CROCC2: variants seen among roughly 807,000 people sequenced by gnomAD.
CROCC2 encodes the protein ciliary rootlet coiled-coil protein 2.
In CROCC2, 163 loss-of-function variants were observed where a neutral mutation model predicts 177.6. The observed-to-expected ratio is 0.92, with a 90% CI of 0.81 to 1.05. The LOEUF (loss-of-function observed/expected upper bound fraction) is 1.05, where lower values mean the gene tolerates loss of function less well. CROCC2 is among the 50% of genes least tolerant of loss of function. The pLI, the probability that CROCC2 is intolerant of heterozygous loss-of-function variation, is 0.00. For missense variants in CROCC2, 1,929 were observed against 1,797.8 expected (o/e 1.07, Z -1.32); for synonymous variants, 904 against 787.3 (o/e 1.15, Z -2.48).
chr2:240,990,527 T>C (rs35894584), intron 30 of CROCC2, among the ~76,000 whole-genome samples: 8,264 of 152,256 alleles, frequency 0.054, 765 homozygotes, highest in African/African-American at 0.19. Context: ...TTTTGCTAAA[T>C]TTATTAGCAA....
In CROCC2 at chr2:240,967,446, C is replaced by T; in HGVS notation, c.4248C>T (p.Ala1416=). The T allele has an allele frequency of 6.9e-7, 1 of 1,449,454 alleles. No individual in the cohort carries two copies. The highest frequency in any genetic ancestry group is 1.2e-5 in the South Asian group (1 of 82,034). The allele number at this position is 1,449,454 out of a possible 1,614,324, so 89.8% of individuals were successfully genotyped here. A position where few individuals can be genotyped will look rare whatever the true frequency, so the allele number is the denominator to read the frequency against. ...AQSRVGQLQK[A]LAEAEEGQRR... is the part of the protein sequence containing the mutation. ...GCCGCGTGGGGCAGCTGCAGAAAGC[C>T]CTGGCTGAGGCGGAAGAAGGTGACC... Residue 1416 remains alanine, a synonymous_variant, in exon 26 of 32, where the codon GCC becomes GCT. Transcript: ENST00000690015.
intron 21 of CROCC2, 81 bp from the exon 22 acceptor site, chr2:240,964,385 A>C (rs2059662724): frequency 6.8e-7 from 1 of 1,470,564 alleles, no homozygotes; most frequent in Non-Finnish European, 9.3e-7. Flanking sequence ...GTGCCTCACT[A>C]GGGGAGGCAG....
At chr2:240,990,736 C>T (rs144706911) in intron 30 of CROCC2, among the ~76,000 whole-genome samples, 2,002 of 152,282 alleles carry the variant, frequency 0.013, 50 homozygotes, top group African/African-American at 0.045. Flanking sequence ...GCACCCACCA[C>T]CATGCCTGGC....
Position 240,930,170 on chromosome 2 carries a change from G to T in CROCC2, c.650G>T (p.Arg217Leu), listed in dbSNP as rs546625248. The T allele has an allele frequency of 7.2e-6, 4 of 555,048 alleles. No homozygotes were observed. The Admixed American group carries it at 1.4e-4, about 19-fold the overall frequency. The allele number at this position is 555,048 out of a possible 1,614,324, so 34.4% of individuals were successfully genotyped here. ...CAGGAGGCCTCTTGCTTTCAGACCC[G>T]GTCAGGGGGCCTGGGGCAGCCCCGG... ...ELRRWAQRQT[R>L]SGGLGQPRDL... Residue 217 changes from arginine to leucine, a missense_variant, in exon 6 of 32, where the codon CGG becomes CTG. Physicochemically the swap from Arg to Leu is moderately radical, Grantham distance 102 (BLOSUM62 -2). Coordinates refer to ENST00000690015, the MANE Select transcript of CROCC2 (RefSeq NM_001351305.2).
Position 240,961,632 on chromosome 2 carries a change from C to T in CROCC2, c.3088-1924C>T, listed in dbSNP as rs542826644. Among the ~76,000 whole-genome samples the T allele has an allele frequency of 2.1e-4, 30 of 146,052 alleles. No individual in the cohort carries two copies. In the East Asian group the frequency reaches 4.1e-3, roughly 20 times the overall value. On this transcript the variant is annotated intron_variant, in intron 20 of 31. Transcript: ENST00000690015. ...CACATACACTCATGACACATGCACA[C>T]GCTCATCACACACGCTCATCACACA...
At position 240,932,385 on chromosome 2, in the gene CROCC2, G is replaced by A. The variant is rs146400153; in HGVS notation, c.1015G>A (p.Ala339Thr). The A allele has an allele frequency of 2.3e-3, 1,642 of 717,480 alleles. 7 individuals are homozygous for A. Among genetic ancestry groups the A allele is most frequent in the Non-Finnish European group, 3.5e-3 (1,333 of 385,062 alleles). 44.4% of individuals were successfully genotyped at this position (717,480 alleles called of 1,614,324 possible). ...GAATGAGCAGAAGGCGAAGACCATC[G>A]CTGCCCTCAGAACCGACCTGCAGAA... ...EQNEQKAKTI[A>T]ALRTDLQNLV... The change falls in exon 8 of 32, where the codon GCT (alanine) becomes ACT (threonine). Residue 339 changes from alanine (A) to threonine (T), a missense_variant. By Grantham distance (58) the Ala-to-Thr change is moderately conservative. This residue lies in a region of CROCC2 where 1,397 missense variants were observed against 1,239.9 expected (regional missense o/e 1.13). Transcript: ENST00000690015.
chr2:240,989,733 C>T lies in CROCC2; in HGVS notation c.4763C>T (p.Thr1588Ile), dbSNP rs1444757485. The change falls in exon 30 of 32, where the codon ACA becomes ATA. Residue 1588 changes from threonine to isoleucine, a missense_variant. Thr to Ile is a moderately conservative substitution (Grantham distance 89, BLOSUM62 -1). Around this residue, in one of 3 missense-constraint regions of CROCC2, gnomAD observed 388 missense variants for 352.7 expected, o/e 1.10. Transcript: ENST00000690015. ...LTAQHQRDLA[T>I]EAERLHGARP... ...GCTCAGCACCAGCGGGACCTGGCCA[C>T]AGAGGCAGAGCGTCTCCATGGGGCC... 3.2e-6 allele frequency: 5 copies of T among 1,550,300 alleles called. No homozygotes were observed. The highest frequency in any genetic ancestry group is 2.0e-5 in the Admixed American group (1 of 50,988).
At chr2:240,965,330 G>A (rs2059673011) in intron 22 of CROCC2, 51 bp from the exon 23 acceptor site, 2 of 1,541,220 alleles carry the variant, frequency 1.3e-6, no homozygotes, top group Admixed American at 2.0e-5. Flanking sequence ...AGGCTGCCTG[G>A]GTTCCAGCAC....
intron 8 of CROCC2, 41 bp downstream of exon 8, chr2:240,932,455 G>C (rs768427704): frequency 1.6e-4 from 113 of 717,036 alleles, no homozygotes; most frequent in Non-Finnish European, 2.7e-4. Context: ...GCAGGGGTCT[G>C]TCACCCTTGC....
intron 27 of CROCC2, among the ~76,000 whole-genome samples, chr2:240,971,108 G>A (rs2106483116): frequency 6.6e-6 from 1 of 152,276 alleles, no homozygotes; most frequent in South Asian, 2.1e-4. Flanking sequence ...CCACAGTGTG[G>A]CAGCAGCACC....
At position 240,930,940 on chromosome 2, in the gene CROCC2, T is replaced by C. The variant is rs778792151; in HGVS notation, c.759T>C (p.Ala253=). The C allele has an allele frequency of 1.4e-6, 1 of 711,694 alleles. No individual in the cohort carries two copies. The highest frequency in any genetic ancestry group is 2.6e-6 in the Non-Finnish European group (1 of 382,294). The allele number at this position is 711,694 out of a possible 1,614,324, so 44.1% of individuals were successfully genotyped here. ...ELRVATERGL[A]DLQADTARTA... ...TGCCCTTGTCTCCCAGGGGCCTCGCTGACCTGCAGGCAGACACGGCCAGGA... is the reference window on the plus strand; with the variant it reads ...TGCCCTTGTCTCCCAGGGGCCTCGCCGACCTGCAGGCAGACACGGCCAGGA... The change falls in exon 7 of 32, where the codon GCT becomes GCC. Residue 253 remains alanine, a synonymous_variant. Coordinates refer to ENST00000690015, the MANE Select transcript of CROCC2 (RefSeq NM_001351305.2).
Position 240,962,928 on chromosome 2 carries a change from G to A in CROCC2, c.3088-628G>A, listed in dbSNP as rs551943701. Among the ~76,000 whole-genome samples, 115 of 152,322 alleles carry A rather than the reference G, an allele frequency of 7.5e-4. 1 individual carries two copies. The highest frequency in any genetic ancestry group is 1.4e-3 in the Non-Finnish European group (95 of 68,012). Reference sequence around the variant, plus strand: ...CTGTGAGATGCCTGGTGTCCGGAGCGGGAAACCAAGACCCTCCTCCCACTG... The same window carrying A: ...CTGTGAGATGCCTGGTGTCCGGAGCAGGAAACCAAGACCCTCCTCCCACTG... On this transcript the variant is annotated intron_variant, in intron 20 of 31. Coordinates refer to ENST00000690015, the MANE Select transcript of CROCC2 (RefSeq NM_001351305.2).
chr2:240,961,407 C>T (rs963103005), intron 20 of CROCC2, among the ~76,000 whole-genome samples: 1 of 151,956 alleles, frequency 6.6e-6, no homozygotes, highest in Non-Finnish European at 1.5e-5. Context: ...TGCACAGAAA[C>T]GTGCACCAAG....
Position 240,949,167 on chromosome 2 carries a change from C to T in CROCC2, c.2482+70C>T, listed in dbSNP as rs2059539402. 2.0e-6 allele frequency: 3 copies of T among 1,464,914 alleles called. No homozygotes were observed. The South Asian group carries it at 4.3e-5, about 21-fold the overall frequency. The allele number at this position is 1,464,914 out of a possible 1,614,324, so 90.7% of individuals were successfully genotyped here. On this transcript the variant is annotated intron_variant, in intron 16 of 31. Coordinates refer to ENST00000690015, the MANE Select transcript of CROCC2 (RefSeq NM_001351305.2). The surrounding 1 kb of genome is among the most constrained non-coding windows in gnomAD (Gnocchi z 4.5). ...ATGGAGGGGCCCCTGGAATGGAGCTCAGTGCCCACACGTGCTGCACCCCCT... is the reference window on the plus strand; with the variant it reads ...ATGGAGGGGCCCCTGGAATGGAGCTTAGTGCCCACACGTGCTGCACCCCCT...
chr2:240,986,510 C>T (rs930781491), intron 28 of CROCC2, among the ~76,000 whole-genome samples: 1 of 152,224 alleles, frequency 6.6e-6, no homozygotes, highest in Non-Finnish European at 1.5e-5. Flanking sequence ...TAGGGACAGG[C>T]CTGGAAAGCC....
At chr2:240,935,867 C>T (rs1043636419) in intron 14 of CROCC2, among the ~76,000 whole-genome samples, 6 of 152,248 alleles carry the variant, frequency 3.9e-5, no homozygotes, top group Admixed American at 6.5e-5. Flanking sequence ...ACACTGGGCT[C>T]TTAGTGAGCT....
chr2:240,933,023 G>A, intron 9 of CROCC2, 108 bp from the exon 10 acceptor site: 3 of 1,017,648 alleles, frequency 2.9e-6, no homozygotes, highest in South Asian at 1.4e-5. Flanking sequence ...CCAGGGAGGG[G>A]CCCCAGTGTC....
At chr2:240,991,066 C>A in intron 30 of CROCC2, 130 bp from the exon 31 acceptor site, 1 of 595,816 alleles carries the variant, frequency 1.7e-6, no homozygotes, top group Non-Finnish European at 2.8e-6. Flanking sequence ...CCCATGCATG[C>A]CACCTCTCCT....
chr2:240,959,581 G>T, intron 20 of CROCC2, 137 bp downstream of exon 20: 7 of 1,186,480 alleles, frequency 5.9e-6, no homozygotes, highest in Non-Finnish European at 8.1e-6. Context: ...TAGTCCCTGG[G>T]ACTAGGAAGA....
Sources: allele counts gnomAD v4.1 joint callset (sites outside exome capture counted in the v4.1 genomes callset), GRCh38; gene constraint gnomAD v4.1.1; regional missense constraint gnomAD v4.1.1; non-coding constraint Gnocchi (gnomAD v3.1); transcripts MANE v1.5; gene names NCBI Gene and HGNC (gene_info 2026-07-23, HGNC 2026-07-21).